PIR: variants seen among roughly 807,000 people sequenced by gnomAD.
PIR encodes the protein pirin (iron-binding nuclear protein).
Under a neutral mutation model 24.2 loss-of-function variants are expected in PIR, and 22 were observed. The ratio of observed to expected loss-of-function variants is 0.91; its 90% CI spans 0.65 to 1.30. The LOEUF (loss-of-function observed/expected upper bound fraction) is 1.30, where lower values mean the gene tolerates loss of function less well. Ranked by LOEUF, PIR falls within the 50% of genes most tolerant of loss-of-function variation. PIR has a pLI of 0.00. For missense variants in PIR, 220 were observed against 220.3 expected (o/e 1.00, Z 0.01); for synonymous variants, 80 against 79.6 (o/e 1.00, Z -0.03).
chrX:15,422,323 T>G (rs1925158718), intron 6 of PIR, among the ~76,000 whole-genome samples: 1 of 92,265 alleles, frequency 1.1e-5, no homozygotes, highest in East Asian at 4.1e-4. Flanking sequence ...CCAGAGCAAC[T>G]AGGCAAGAGA....
At chrX:15,391,768 G>T (rs1350590382) in intron 8 of PIR, among the ~76,000 whole-genome samples, 1 of 111,543 alleles carries the variant, frequency 9.0e-6, no homozygotes, top group Non-Finnish European at 1.9e-5. Context: ...TCATCCTCCT[G>T]CATGCCATGT....
chrX:15,413,357 A>G (rs1602253423), intron 6 of PIR, among the ~76,000 whole-genome samples: 1 of 111,631 alleles, frequency 9.0e-6, no homozygotes, highest in Non-Finnish European at 1.9e-5. Context: ...AAAGCTCAGC[A>G]GGGTCATCAT....
chrX:15,452,940 T>C (rs965924501), intron 5 of PIR, among the ~76,000 whole-genome samples: 4 of 112,398 alleles, frequency 3.6e-5, no homozygotes, highest in African/African-American at 1.3e-4. Flanking sequence ...TGGTTATAAA[T>C]ACACTAATCT....
chrX:15,461,140 T>A (rs930466727), intron 3 of PIR, among the ~76,000 whole-genome samples: 1 of 111,539 alleles, frequency 9.0e-6, no homozygotes. Flanking sequence ...CCTGGCATGG[T>A]GGGCCCTGGA....
chrX:15,434,848 CTT>C (rs1232255334), intron 5 of PIR, among the ~76,000 whole-genome samples: 4 of 110,500 alleles, frequency 3.6e-5, no homozygotes, highest in Admixed American at 1.9e-4. Context: ...CCTGGAAAGT[CTT>C]TCCCCATCCA....
At chrX:15,450,393 T>A (rs748148505) in intron 5 of PIR, among the ~76,000 whole-genome samples, 8 of 109,551 alleles carry the variant, frequency 7.3e-5, no homozygotes, top group African/African-American at 2.3e-4. Flanking sequence ...TCTTTTTTTT[T>A]AGCTAGATCC....
intron 6 of PIR, among the ~76,000 whole-genome samples, chrX:15,425,637 C>A (rs771964733): frequency 2.6e-3 from 284 of 110,985 alleles, no homozygotes; most frequent in African/African-American, 8.0e-3. Flanking sequence ...GTCTTGATCT[C>A]CTGACCTCGT....
At chrX:15,415,651 T>G (rs948928717) in intron 6 of PIR, among the ~76,000 whole-genome samples, 2 of 112,052 alleles carry the variant, frequency 1.8e-5, no homozygotes, top group African/African-American at 6.5e-5. Flanking sequence ...ACAAAAATGA[T>G]AACTATGTGA....
rs142402391 is a variant in PIR at position 15,397,502 on chromosome X, G to T, written c.640C>A (p.Pro214Thr). Residue 214 changes from proline to threonine, a missense_variant, in exon 8 of 10, where the codon CCT becomes ACT. Coordinates refer to ENST00000380420, the MANE Select transcript of PIR (RefSeq NM_001018109.3). ...TCTCCAAGCACTGCTGTGTGATGAGGTTCTATTTTTTGTTGTGCATCATCG... is the reference window on the plus strand; with the variant it reads ...TCTCCAAGCACTGCTGTGTGATGAGTTTCTATTTTTTGTTGTGCATCATCG... ...GPDDAQQKIE[P>T]HHTAVLGEGD... The T allele has an allele frequency of 2.6e-5, 31 of 1,205,468 alleles. No homozygotes were observed. In the African/African-American group the frequency reaches 3.2e-4, roughly 12 times the overall value.
At chrX:15,430,609 C>T (rs900927439) in intron 5 of PIR, among the ~76,000 whole-genome samples, 3 of 111,486 alleles carry the variant, frequency 2.7e-5, no homozygotes, top group Non-Finnish European at 5.7e-5. Flanking sequence ...CAAGACAAAA[C>T]AAGGTCTATA....
At chrX:15,483,926 G>T (rs1290531463) in intron 2 of PIR, among the ~76,000 whole-genome samples, 1 of 112,421 alleles carries the variant, frequency 8.9e-6, no homozygotes, top group Non-Finnish European at 1.9e-5. Context: ...CTGTGTTGTT[G>T]TGGTTCTATT....
At chrX:15,488,289 AAAAAAAAAAAAG>A (rs1922959646) in intron 2 of PIR, among the ~76,000 whole-genome samples, 2 of 83,784 alleles carry the variant, frequency 2.4e-5, no homozygotes, top group African/African-American at 9.3e-5. Context: ...AAAAAAAAAA[AAAAAAAAAAAAG>A]AAAAGAAAGA....
At chrX:15,463,613 C>G (rs1921405901) in intron 3 of PIR, among the ~76,000 whole-genome samples, 1 of 112,184 alleles carries the variant, frequency 8.9e-6, no homozygotes, top group Non-Finnish European at 1.9e-5. Context: ...CAGCAGGTCA[C>G]AGGCAGATGG....
chrX:15,485,381 T>C, intron 2 of PIR, among the ~76,000 whole-genome samples: 1 of 111,451 alleles, frequency 9.0e-6, no homozygotes. Flanking sequence ...AGGGCATTAA[T>C]CCCATTCCTG....
chrX:15,462,310 G>A (rs1317735084), intron 3 of PIR, among the ~76,000 whole-genome samples: 1 of 112,330 alleles, frequency 8.9e-6, no homozygotes, highest in Non-Finnish European at 1.9e-5. Context: ...AGCGTAAAAT[G>A]TTGTGTGTCA....
At chrX:15,391,972 A>T (rs938187248) in intron 8 of PIR, among the ~76,000 whole-genome samples, 1 of 110,791 alleles carries the variant, frequency 9.0e-6, no homozygotes, top group African/African-American at 3.3e-5. Flanking sequence ...TCCTATCTTC[A>T]TTTCCACAGC....
chrX:15,407,556 A>G lies in PIR; in HGVS notation c.566-6T>C, dbSNP rs754455361. 1.3e-5 allele frequency: 15 copies of G among 1,180,301 alleles called. No individual in the cohort carries two copies. The highest frequency in any genetic ancestry group is 1.7e-5 in the Non-Finnish European group (15 of 866,561). On this transcript the variant is annotated splice_region_variant and splice_polypyrimidine_tract_variant and intron_variant, in intron 6 of 9. Coordinates refer to ENST00000380420, the MANE Select transcript of PIR (RefSeq NM_001018109.3). ...GTAAATGAAGCTTGTCCACCCTGGAAAGGACCAGCAACATTAACATGTTAG... is the reference window on the plus strand; with the variant it reads ...GTAAATGAAGCTTGTCCACCCTGGAGAGGACCAGCAACATTAACATGTTAG...
At chrX:15,397,406 G>C in intron 8 of PIR, 43 bp downstream of exon 8, 1 of 932,649 alleles carries the variant, frequency 1.1e-6, no homozygotes, top group Non-Finnish European at 1.6e-6. Context: ...GAAACCAGTA[G>C]AAAGTACATG....
intron 6 of PIR, among the ~76,000 whole-genome samples, chrX:15,411,676 C>G (rs1204742828): frequency 9.0e-6 from 1 of 110,574 alleles, no homozygotes; most frequent in African/African-American, 3.3e-5. Context: ...CCCGCAACCT[C>G]CCCCCCGCCA....
Sources: gnomAD v4.1 joint callset for allele counts (sites outside exome capture counted in the v4.1 genomes callset) on GRCh38, gnomAD v4.1.1 for gene constraint, MANE v1.5 for transcripts, NCBI Gene and HGNC (gene_info 2026-07-23, HGNC 2026-07-21) for gene names.